AMOTL1: variants seen among roughly 807,000 people sequenced by gnomAD.
AMOTL1 encodes the protein angiomotin-like protein 1.
In AMOTL1, 45 loss-of-function variants were observed where a neutral mutation model predicts 102.9. The observed-to-expected ratio is 0.44, with a 90% CI of 0.34 to 0.56. The LOEUF (loss-of-function observed/expected upper bound fraction) is 0.56, where lower values mean the gene tolerates loss of function less well. AMOTL1 is among the 20% of genes least tolerant of loss of function. AMOTL1 has a pLI of 0.01. For missense variants in AMOTL1, 1,114 were observed against 1,225.6 expected (o/e 0.91, Z 1.36); for synonymous variants, 481 against 484.7 (o/e 0.99, Z 0.10).
chr11:94,740,541 G>C (rs1950505448), intron 2 of AMOTL1, among the ~76,000 whole-genome samples: 1 of 151,664 alleles, frequency 6.6e-6, no homozygotes, highest in South Asian at 2.1e-4. Context: ...CCGGGACCGC[G>C]GGAAAACTTC....
intron 3 of AMOTL1, among the ~76,000 whole-genome samples, chr11:94,814,494 G>T (rs773045382): frequency 2.0e-5 from 3 of 152,228 alleles, no homozygotes; most frequent in African/African-American, 7.2e-5. Context: ...TGTACAAGCA[G>T]ATCTGAGCTT....
chr11:94,785,405 A>G (rs1484145500), intron 1 of AMOTL1, among the ~76,000 whole-genome samples: 1 of 152,162 alleles, frequency 6.6e-6, no homozygotes, highest in Admixed American at 6.5e-5. Flanking sequence ...ATCACTATCA[A>G]CAAAATGGGA....
chr11:94,721,211 C>T (rs948565499), intron 1 of AMOTL1, among the ~76,000 whole-genome samples: 1 of 151,998 alleles, frequency 6.6e-6, no homozygotes, highest in African/African-American at 2.4e-5. Context: ...TCCAAGTGGA[C>T]ATGTGGCATA....
intron 6 of AMOTL1, among the ~76,000 whole-genome samples, chr11:94,843,175 T>C (rs368253971): frequency 6.6e-6 from 1 of 152,240 alleles, no homozygotes; most frequent in South Asian, 2.1e-4. Flanking sequence ...TCTTCTAAGG[T>C]CAGCGTTGTA....
At chr11:94,730,077 T>C (rs192593185) in intron 2 of AMOTL1, among the ~76,000 whole-genome samples, 27 of 152,286 alleles carry the variant, frequency 1.8e-4, no homozygotes, top group African/African-American at 6.3e-4. Context: ...CAACTGTCAT[T>C]TGTTCCTGTG....
chr11:94,860,825 T>G lies in AMOTL1; in HGVS notation c.2135+1110T>G, dbSNP rs182898396. 1.6e-3 allele frequency among the ~76,000 whole-genome samples: 247 copies of G among 152,230 alleles called. 2 individuals carry two copies. Among genetic ancestry groups the G allele is most frequent in the Admixed American group, 3.7e-3 (56 of 15,296 alleles). ...ACCGAGAGAGGAGTAAAAGCCACATTGCCTTGGGATGGGTTACTATATTTT... is the reference window on the plus strand; with the variant it reads ...ACCGAGAGAGGAGTAAAAGCCACATGGCCTTGGGATGGGTTACTATATTTT... On this transcript the variant is annotated intron_variant, in intron 9 of 12. Transcript: ENST00000433060.
chr11:94,869,571 T>A, intron 12 of AMOTL1, 98 bp downstream of exon 12: 1 of 1,377,716 alleles, frequency 7.3e-7, no homozygotes, highest in South Asian at 1.5e-5. Context: ...GGGGCACCCA[T>A]CAGCTCTTAC....
chr11:94,722,941 C>T (rs979118532), intron 1 of AMOTL1, among the ~76,000 whole-genome samples: 1 of 152,098 alleles, frequency 6.6e-6, no homozygotes, highest in African/African-American at 2.4e-5. Context: ...AGATGAGAAC[C>T]CAGTTCTTTT....
chr11:94,786,373 C>T (rs1042264434), intron 1 of AMOTL1, among the ~76,000 whole-genome samples: 5 of 151,946 alleles, frequency 3.3e-5, no homozygotes, highest in African/African-American at 9.7e-5. Flanking sequence ...TTTTATTTAC[C>T]GCAAGTGAGA....
Position 94,800,110 on chromosome 11 carries a change from G to C in AMOTL1, c.920G>C (p.Arg307Pro). ...CCTGCAGGTAAAGTGCTGGACCCTC[G>C]GGGTCCTCCACCTGAGTACCCCTTC... is the stretch of plus-strand genomic sequence containing the variant. ...AQPAGKVLDP[R>P]GPPPEYPFKT... The change falls in exon 3 of 13, where the codon CGG becomes CCG. Residue 307 changes from arginine to proline, a missense_variant. Coordinates refer to ENST00000433060, the MANE Select transcript of AMOTL1 (RefSeq NM_130847.3). 1.2e-6 allele frequency: 2 copies of C among 1,613,914 alleles called. No homozygotes were observed. Among genetic ancestry groups the C allele is most frequent in the Non-Finnish European group, 1.7e-6 (2 of 1,179,866 alleles).
rs953059035 is a variant in AMOTL1 at position 94,873,140 on chromosome 11, A to C, written c.*2345A>C. The stretch of plus-strand genomic sequence containing the variant: ...CTCGTCTTCATGCCCCAGACACCTG[A>C]TTGCCCCAATCAGGTGTCAGACTTG... On this transcript the variant is annotated 3_prime_UTR_variant, in exon 13 of 13. Transcript: ENST00000433060. The C allele has an allele frequency of 6.6e-6, 1 of 152,026 alleles. No homozygotes were observed. The highest frequency in any genetic ancestry group is 1.5e-5 in the Non-Finnish European group (1 of 67,984). 9.4% of individuals were successfully genotyped at this position (152,026 alleles called of 1,614,324 possible). A position where few individuals can be genotyped will look rare whatever the true frequency, so the allele number is the denominator to read the frequency against.
chr11:94,866,515 C>T (rs947080514), intron 11 of AMOTL1: 7 of 262,570 alleles, frequency 2.7e-5, no homozygotes, highest in East Asian at 9.3e-5. Context: ...AGTTGTATGA[C>T]GGCTCCACCT....
chr11:94,729,168 G>C (rs1950307281), intron 2 of AMOTL1: 1 of 703,410 alleles, frequency 1.4e-6, no homozygotes, highest in African/African-American at 1.9e-5. Flanking sequence ...TTCAAAAGCA[G>C]CTGAGTGGAG....
At chr11:94,727,986 C>T (rs1452212412) in intron 1 of AMOTL1, among the ~76,000 whole-genome samples, 1 of 152,210 alleles carries the variant, frequency 6.6e-6, no homozygotes, top group Non-Finnish European at 1.5e-5. Context: ...CTCTGAACAG[C>T]ATTCTAGAGA....
In AMOTL1 at chr11:94,839,696, G is replaced by C. The variant is rs147917366; in HGVS notation, c.1648+8155G>C. On this transcript the variant is annotated intron_variant, in intron 6 of 12. Transcript: ENST00000433060. ...GTGTTTAATGGCTAAACCACAACTAGAATTAGGACCTCCTTTTTCTTATTT... is the reference window on the plus strand; with the variant it reads ...GTGTTTAATGGCTAAACCACAACTACAATTAGGACCTCCTTTTTCTTATTT... Among the ~76,000 whole-genome samples, 349 of 152,300 alleles carry C rather than the reference G, an allele frequency of 2.3e-3. 2 individuals carry two copies. The highest frequency in any genetic ancestry group is 8.0e-3 in the African/African-American group (332 of 41,574).
chr11:94,857,444 G>A (rs1477641994), intron 8 of AMOTL1, among the ~76,000 whole-genome samples: 1 of 152,148 alleles, frequency 6.6e-6, no homozygotes, highest in Admixed American at 6.5e-5. Flanking sequence ...GGGACAATAG[G>A]ACTAGCAGAA....
rs75967885 is a variant in AMOTL1, at chr11:94,796,925, G to A, written c.199+1765G>A. 5.3e-3 allele frequency: 4,425 copies of A among 828,924 alleles called. 9 individuals carry two copies. Among genetic ancestry groups the A allele is most frequent in the Non-Finnish European group, 6.0e-3 (4,130 of 687,282 alleles). 51.3% of individuals were successfully genotyped at this position (828,924 alleles called of 1,614,324 possible). A position where few individuals can be genotyped will look rare whatever the true frequency, so the allele number is the denominator to read the frequency against. ...ATATATGTATATATCTTGTATATAAGCATATCACACCACCTTTGTTTTTTT... is the reference window on the plus strand; with the variant it reads ...ATATATGTATATATCTTGTATATAAACATATCACACCACCTTTGTTTTTTT... On this transcript the variant is annotated intron_variant, in intron 2 of 12. Transcript: ENST00000433060.
chr11:94,731,420 G>A (rs1297441491), intron 2 of AMOTL1, among the ~76,000 whole-genome samples: 2 of 152,102 alleles, frequency 1.3e-5, no homozygotes, highest in African/African-American at 4.8e-5. Flanking sequence ...TCAGAGGCCT[G>A]GGATGAGATC....
chr11:94,740,930 T>TC (rs1565335095), intron 2 of AMOTL1: 5 of 1,288,732 alleles, frequency 3.9e-6, no homozygotes, highest in Non-Finnish European at 5.1e-6. Context: ...GCTTTTCTTC[T>TC]CCCCCAGACA....
Sources: allele counts gnomAD v4.1 joint callset (sites outside exome capture counted in the v4.1 genomes callset), GRCh38; gene constraint gnomAD v4.1.1; transcripts MANE v1.5; gene names NCBI Gene and HGNC (gene_info 2026-07-23, HGNC 2026-07-21).